The following PSMA6 variants were observed in gnomAD, a reference collection of about 807,000 sequenced individuals.
PSMA6 encodes the protein proteasome subunit alpha type-6.
For synonymous variants in PSMA6, 88 were observed against 97.7 expected, an observed-to-expected ratio of 0.90 and a Z score of 0.59; for missense variants, 170 against 294.8, an observed-to-expected ratio of 0.58 and a Z score of 3.10.
chr14:35,280,679 G>T lies in PSMA6; in HGVS notation c.19+1961G>T, dbSNP rs143551728. On this transcript the variant is annotated intron_variant, in intron 1 of 6. Transcript: ENST00000540871. ...TTACAGGCATGAGCCACCACACCCA[G>T]CCTGGTCTCATTGTTTCTTAACTCT... Among the ~76,000 whole-genome samples, 915 of 152,026 alleles carry T rather than the reference G, an allele frequency of 6.0e-3. 3 individuals carry two copies. Among genetic ancestry groups the T allele is most frequent in the Non-Finnish European group, 8.9e-3 (607 of 67,962 alleles).
Position 35,315,309 on chromosome 14 carries a change from T to TG in PSMA6, c.683+854_683+855insG, listed in dbSNP as rs1399945923. 4 of 152,244 alleles carry TG rather than the reference T, an allele frequency of 2.6e-5. No homozygotes were observed. In the South Asian group the frequency reaches 8.3e-4, roughly 32 times the overall value. The allele number at this position is 152,244 out of a possible 1,614,324, so 9.4% of individuals were successfully genotyped here. On this transcript the variant is annotated intron_variant, in intron 6 of 6. Transcript: ENST00000261479. ...ACTAGACCTTGAAGAGGTTTTTCGT[T>TG]TGTTCTTTTTTTTCCTAATTTGTTC... is the stretch of plus-strand genomic sequence containing the variant.
At chr14:35,295,103 C>T (rs1459743987) in intron 1 of PSMA6, among the ~76,000 whole-genome samples, 2 of 152,016 alleles carry the variant, frequency 1.3e-5, no homozygotes, top group East Asian at 1.9e-4. Context: ...TTTGGGAGGG[C>T]GAGGTGGGCA....
Position 35,314,450 on chromosome 14 carries a change from A to G in PSMA6, c.678A>G (p.Lys226=), listed in dbSNP as rs13393. Residue 226 remains lysine, a synonymous_variant, in exon 6 of 7, where the codon AAA becomes AAG. Coordinates refer to ENST00000261479, the MANE Select transcript of PSMA6 (RefSeq NM_002791.3). ...GAGTAGTGACAGTTGAAAATCCTAA[A>G]TTCAGGTGAGTGATATTGTGGGCCA... The part of the protein sequence containing the change: ...EVGVVTVENP[K]FRILTEAEID... 52,872 of 1,609,528 alleles carry G rather than the reference A, an allele frequency of 0.033. 1,163 individuals are homozygous for G. The highest frequency in any genetic ancestry group is 0.098 in the African/African-American group (7,378 of 74,950).
chr14:35,284,119 C>T (rs1180584802), intron 1 of PSMA6, among the ~76,000 whole-genome samples: 1 of 152,136 alleles, frequency 6.6e-6, no homozygotes, highest in Non-Finnish European at 1.5e-5. Flanking sequence ...GCATAAATTC[C>T]TTAGCTTAGT....
chr14:35,299,149 C>G (rs1169690906), intron 1 of PSMA6, among the ~76,000 whole-genome samples: 3 of 152,194 alleles, frequency 2.0e-5, no homozygotes, highest in South Asian at 2.1e-4. Flanking sequence ...GCCTCAGCTT[C>G]TCAAGTAGCT....
chr14:35,301,910 A>T (rs1221832271), intron 1 of PSMA6, among the ~76,000 whole-genome samples: 1 of 152,210 alleles, frequency 6.6e-6, no homozygotes, highest in Non-Finnish European at 1.5e-5. Flanking sequence ...AGTGAGTAAA[A>T]CAGGCTGAGT....
At chr14:35,289,334 A>AT (rs113555975), upstream of PSMA6, among the ~76,000 whole-genome samples, 1,626 of 146,624 alleles carry the variant, frequency 0.011, 27 homozygotes, top group African/African-American at 0.029. Context: ...CAAATTTATG[A>AT]TTTTTTTTTT....
intron 5 of PSMA6, chr14:35,313,434 A>G (rs1594395194): frequency 6.3e-6 from 1 of 159,916 alleles, no homozygotes; most frequent in East Asian, 1.8e-4. Flanking sequence ...ATTAAAAACA[A>G]AAATTTTAGT....
chr14:35,316,967 G>A, intron 6 of PSMA6: 1 of 300,536 alleles, frequency 3.3e-6, no homozygotes, highest in Non-Finnish European at 6.1e-6. Context: ...TTCTATCTTA[G>A]CTGCAACTAA....
At chr14:35,295,995 G>A (rs781733233) in intron 1 of PSMA6, among the ~76,000 whole-genome samples, 1 of 152,124 alleles carries the variant, frequency 6.6e-6, no homozygotes, top group Admixed American at 6.6e-5. Context: ...CAAAGGAGAA[G>A]AGGAGTGGTC....
At chr14:35,314,198 T>G (rs1012769626) in intron 5 of PSMA6, 163 bp from the exon 6 acceptor site, 13 of 724,666 alleles carry the variant, frequency 1.8e-5, no homozygotes, top group Non-Finnish European at 2.5e-5. Context: ...TTTCTCATCA[T>G]TGGGAGGCAA....
Position 35,317,400 on chromosome 14 carries a change from G to C in PSMA6, c.*94G>C. 4 of 1,147,682 alleles carry C rather than the reference G, an allele frequency of 3.5e-6. No individual in the cohort carries two copies. Among genetic ancestry groups the C allele is most frequent in the Non-Finnish European group, 5.2e-6 (4 of 769,750 alleles). The allele number at this position is 1,147,682 out of a possible 1,614,324, so 71.1% of individuals were successfully genotyped here. On this transcript the variant is annotated 3_prime_UTR_variant, in exon 7 of 7. Coordinates refer to ENST00000261479, the MANE Select transcript of PSMA6 (RefSeq NM_002791.3). ...CATGGAGGTCCCTGGATTGAAAAAG[G>C]AGCCTCTCCCACTCCTCCTACCACC... is the stretch of plus-strand genomic sequence containing the variant.
At position 35,292,505 on chromosome 14, in the gene PSMA6, A is replaced by G; in HGVS notation, c.29A>G (p.Asp10Gly). 2 of 1,613,714 alleles carry G rather than the reference A, an allele frequency of 1.2e-6. No homozygotes were observed. The highest frequency in any genetic ancestry group is 1.1e-5 in the South Asian group (1 of 91,066). ...TCCCGTGGTTCCAGCGCCGGTTTTG[A>G]CCGCCACATTACCATTTTTTCACCC... MSRGSSAGF[D>G]RHITIFSPEG... Residue 10 changes from aspartate (D) to glycine (G), a missense_variant, in exon 1 of 7, where the codon GAC becomes GGC. Transcript: ENST00000261479.
intron 4 of PSMA6, chr14:35,312,667 CTG>C (rs2138755416): frequency 2.3e-6 from 1 of 428,790 alleles, no homozygotes; most frequent in East Asian, 3.6e-5. Flanking sequence ...TTTTTTTAAT[CTG>C]TGATAAATCC....
upstream of PSMA6, among the ~76,000 whole-genome samples, chr14:35,291,375 G>A (rs2138710936): frequency 6.6e-6 from 1 of 152,108 alleles, no homozygotes; most frequent in African/African-American, 2.4e-5. Flanking sequence ...CCGCCACCAC[G>A]CCTGGCTAAT....
chr14:35,297,539 T>C (rs1487295822), intron 1 of PSMA6, among the ~76,000 whole-genome samples: 1 of 152,102 alleles, frequency 6.6e-6, no homozygotes, highest in Non-Finnish European at 1.5e-5. Flanking sequence ...ATAGAATATG[T>C]ATCTCTCAAT....
chr14:35,305,111 C>G (rs2051799254), intron 1 of PSMA6, among the ~76,000 whole-genome samples: 1 of 151,728 alleles, frequency 6.6e-6, no homozygotes, highest in Non-Finnish European at 1.5e-5. Flanking sequence ...CCAGTTAAAT[C>G]CAAGCCATAT....
intron 1 of PSMA6, among the ~76,000 whole-genome samples, chr14:35,307,594 TGTG>T (rs2138744306): frequency 6.6e-6 from 1 of 152,014 alleles, no homozygotes; most frequent in South Asian, 2.1e-4. Flanking sequence ...ATTAGCCAGA[TGTG>T]GTGGCACGCG....
At chr14:35,312,351 C>CA (rs375980349) in intron 4 of PSMA6, among the ~76,000 whole-genome samples, 27 of 151,676 alleles carry the variant, frequency 1.8e-4, no homozygotes, top group African/African-American at 6.3e-4. Flanking sequence ...ACTAAAAACA[C>CA]AAAAAATTAG....
Sources: gnomAD v4.1 joint callset for allele counts (sites outside exome capture counted in the v4.1 genomes callset) on GRCh38, gnomAD v4.1.1 for gene constraint, MANE v1.5 for transcripts, NCBI Gene and HGNC (gene_info 2026-07-23, HGNC 2026-07-21) for gene names.